COP1: variants seen among roughly 807,000 people sequenced by gnomAD.
COP1 encodes the protein COP1 E3 ubiquitin ligase, also known as E3 ubiquitin-protein ligase COP1.
Under a neutral mutation model 101.3 loss-of-function variants are expected in COP1, and 24 were observed. The ratio of observed to expected loss-of-function variants is 0.24; its 90% CI spans 0.17 to 0.33. The LOEUF is 0.33. Ranked by LOEUF, COP1 falls within the 10% of genes least tolerant of loss-of-function variation. COP1 has a pLI of 1.00. For synonymous variants in COP1, 347 were observed against 341.9 expected (o/e 1.01, Z -0.17); for missense variants, 663 against 906.2 (o/e 0.73, Z 3.45).
At chr1:176,191,496 T>G (rs2102143774) in intron 1 of COP1, among the ~76,000 whole-genome samples, 1 of 152,132 alleles carries the variant, frequency 6.6e-6, no homozygotes, top group South Asian at 2.1e-4. Flanking sequence ...TCCCTTAATT[T>G]CTTAATTCTT....
At chr1:175,953,011 G>A (rs1352091514) in intron 18 of COP1, among the ~76,000 whole-genome samples, 2 of 152,136 alleles carry the variant, frequency 1.3e-5, no homozygotes. Flanking sequence ...TTTTTTAAAA[G>A]ATAATTTCCT....
At chr1:176,110,016 G>C (rs555678956) in intron 9 of COP1, among the ~76,000 whole-genome samples, 1 of 151,942 alleles carries the variant, frequency 6.6e-6, no homozygotes, top group Admixed American at 6.6e-5. Context: ...GGTATTTTTT[G>C]AGTGCACTGA....
intron 11 of COP1, among the ~76,000 whole-genome samples, chr1:176,051,864 T>G (rs532405568): frequency 6.6e-6 from 1 of 152,144 alleles, no homozygotes; most frequent in Non-Finnish European, 1.5e-5. Context: ...TATTTTTGTA[T>G]AGTTGTTCAA....
chr1:176,126,056 A>G (rs555032638), intron 8 of COP1, among the ~76,000 whole-genome samples: 3 of 152,238 alleles, frequency 2.0e-5, no homozygotes, highest in African/African-American at 7.2e-5. Flanking sequence ...GATTTTTTGT[A>G]TGTTGACTTT....
intron 18 of COP1, among the ~76,000 whole-genome samples, chr1:175,979,423 C>A (rs1202005259): frequency 6.6e-6 from 1 of 151,330 alleles, no homozygotes; most frequent in Non-Finnish European, 1.5e-5. Flanking sequence ...GTTTTACATA[C>A]CCCAAGAAAA....
intron 15 of COP1, among the ~76,000 whole-genome samples, chr1:176,013,913 G>A (rs2148970537): frequency 6.6e-6 from 1 of 152,270 alleles, no homozygotes; most frequent in South Asian, 2.1e-4. Context: ...ATGTTTTACA[G>A]CTGTATGAAA....
chr1:175,953,187 A>G (rs901557193), intron 18 of COP1, among the ~76,000 whole-genome samples: 6 of 152,150 alleles, frequency 3.9e-5, no homozygotes, highest in African/African-American at 1.4e-4. Context: ...ACAGACTGTA[A>G]AAAGTTAAAC....
At chr1:175,974,152 A>G (rs576092030) in intron 18 of COP1, among the ~76,000 whole-genome samples, 1 of 152,348 alleles carries the variant, frequency 6.6e-6, no homozygotes, top group Non-Finnish European at 1.5e-5. Flanking sequence ...ACATAAACTA[A>G]ACTAAATGGC....
intron 14 of COP1, among the ~76,000 whole-genome samples, chr1:176,042,467 G>A (rs1273226681): frequency 6.7e-6 from 1 of 148,402 alleles, no homozygotes; most frequent in Non-Finnish European, 1.5e-5. Context: ...GGAGGGTGAG[G>A]CAGGAGAATC....
intron 10 of COP1, among the ~76,000 whole-genome samples, chr1:176,085,168 T>C (rs980279052): frequency 3.9e-5 from 6 of 152,196 alleles, no homozygotes; most frequent in African/African-American, 1.4e-4. Context: ...CTTTTTCAGT[T>C]AATTCATACT....
intron 11 of COP1, among the ~76,000 whole-genome samples, chr1:176,048,927 C>T (rs2149219828): frequency 6.6e-6 from 1 of 150,852 alleles, no homozygotes; most frequent in East Asian, 1.9e-4. Context: ...AATCCCAGCA[C>T]TTTGGGAGGC....
Position 176,027,678 on chromosome 1 carries a change from C to G in COP1, c.1623G>C (p.Trp541Cys), listed in dbSNP as rs1667911727. Residue 541 changes from tryptophan (W) to cysteine (C), a missense_variant, in exon 15 of 20, where the codon TGG becomes TGC. Physicochemically the swap from Trp to Cys is radical, Grantham distance 215 (BLOSUM62 -2). Transcript: ENST00000367669. ...SGSDDAKVKL[W>C]STNLDNSVAS... ...CCACTGAGTTGTCTAGATTGGTAGA[C>G]CACAGCTTCACTAAGGGCAAAGGAC... 6.2e-7 allele frequency: 1 copy of G among 1,600,964 alleles called. No homozygotes were observed. The highest frequency in any genetic ancestry group is 8.6e-7 in the Non-Finnish European group (1 of 1,168,360).
At chr1:176,020,461 C>G (rs1179101330) in intron 15 of COP1, among the ~76,000 whole-genome samples, 1 of 151,494 alleles carries the variant, frequency 6.6e-6, no homozygotes, top group Non-Finnish European at 1.5e-5. Context: ...GGTGGATCAC[C>G]TGAGGTCAGA....
intron 8 of COP1, among the ~76,000 whole-genome samples, chr1:176,126,208 ATTTC>A (rs1175551550): frequency 6.6e-6 from 1 of 152,084 alleles, no homozygotes; most frequent in Non-Finnish European, 1.5e-5. Flanking sequence ...GATGCTCTTT[ATTTC>A]TTTCTCTTGT....
At chr1:176,137,772 CTT>C (rs1690038568) in intron 6 of COP1, among the ~76,000 whole-genome samples, 1 of 151,988 alleles carries the variant, frequency 6.6e-6, no homozygotes, top group Non-Finnish European at 1.5e-5. Flanking sequence ...TTTTTATAGA[CTT>C]ATTAGTATTA....
intron 8 of COP1, among the ~76,000 whole-genome samples, chr1:176,125,127 TCTAAG>T (rs1687803768): frequency 6.6e-6 from 1 of 152,148 alleles, no homozygotes. Context: ...TATAGAATTT[TCTAAG>T]CTCCTCGTAT....
intron 14 of COP1, among the ~76,000 whole-genome samples, chr1:176,030,299 A>G (rs1668441517): frequency 6.6e-6 from 1 of 152,222 alleles, no homozygotes; most frequent in Non-Finnish European, 1.5e-5. Context: ...CATGCCGAAC[A>G]TAGCACTTAA....
intron 15 of COP1, among the ~76,000 whole-genome samples, chr1:176,000,830 T>A (rs1335091050): frequency 6.6e-6 from 1 of 152,020 alleles, no homozygotes; most frequent in African/African-American, 2.4e-5. Context: ...TTGAGTATAT[T>A]TTAAAAGTTA....
chr1:176,073,630 G>A (rs1677404833), intron 11 of COP1, among the ~76,000 whole-genome samples: 1 of 152,072 alleles, frequency 6.6e-6, no homozygotes, highest in Admixed American at 6.5e-5. Flanking sequence ...GCTAACCTAG[G>A]ACCATCTTCT....
Sources: allele counts gnomAD v4.1 joint callset (sites outside exome capture counted in the v4.1 genomes callset), GRCh38; gene constraint gnomAD v4.1.1; transcripts MANE v1.5; gene names NCBI Gene and HGNC (gene_info 2026-07-23, HGNC 2026-07-21).